The following SLC8A1 variants were observed in gnomAD, a reference collection of about 807,000 sequenced individuals.
SLC8A1 encodes the protein sodium/calcium exchanger 1.
A neutral mutation model predicts 68.3 loss-of-function variants in SLC8A1; 18 were observed. That is an observed-to-expected ratio of 0.26 (90% CI 0.18 to 0.39). The LOEUF (loss-of-function observed/expected upper bound fraction) is 0.39, where lower values mean the gene tolerates loss of function less well. SLC8A1 is among the 10% of genes least tolerant of loss of function. SLC8A1 has a pLI of 1.00. For synonymous variants in SLC8A1, 475 were observed against 415.5 expected (o/e 1.14, Z -1.74); for missense variants, 985 against 1,156.7 (o/e 0.85, Z 2.15).
chr2:40,230,773 C>T (rs2059550802), intron 2 of SLC8A1, among the ~76,000 whole-genome samples: 1 of 152,110 alleles, frequency 6.6e-6, no homozygotes, highest in African/African-American at 2.4e-5. Flanking sequence ...AATAAATGTA[C>T]TTTCATAAAC....
chr2:40,455,550 T>C (rs1702948942), upstream of SLC8A1, among the ~76,000 whole-genome samples: 1 of 116,318 alleles, frequency 8.6e-6, no homozygotes, highest in Admixed American at 8.2e-5. Context: ...TAAGAAAATG[T>C]TATTACATAA....
chr2:40,121,514 A>G (rs2036804047), intron 7 of SLC8A1, among the ~76,000 whole-genome samples: 1 of 152,164 alleles, frequency 6.6e-6, no homozygotes, highest in South Asian at 2.1e-4. Context: ...TCCACTCACA[A>G]TATGGTTATT....
chr2:40,472,683 C>G (rs1704059050), intron 1 of SLC8A1, among the ~76,000 whole-genome samples: 1 of 152,158 alleles, frequency 6.6e-6, no homozygotes, highest in South Asian at 2.1e-4. Flanking sequence ...GTGTTTTCAA[C>G]ACCTACCATG....
intron 1 of SLC8A1, among the ~76,000 whole-genome samples, chr2:40,477,866 C>T (rs560285831): frequency 3.3e-5 from 5 of 152,254 alleles, no homozygotes; most frequent in African/African-American, 9.6e-5. Flanking sequence ...ATGTGGCTTA[C>T]TTTCCAGAAT....
At chr2:40,230,590 G>T (rs1416814723) in intron 2 of SLC8A1, among the ~76,000 whole-genome samples, 1 of 151,998 alleles carries the variant, frequency 6.6e-6, no homozygotes, top group Admixed American at 6.6e-5. Context: ...ATTAGAAATG[G>T]TTCAAAGAAT....
At chr2:40,286,510 T>G (rs1370138864) in intron 2 of SLC8A1, among the ~76,000 whole-genome samples, 1 of 152,196 alleles carries the variant, frequency 6.6e-6, no homozygotes, top group Non-Finnish European at 1.5e-5. Context: ...GTGAACTCCG[T>G]GGATCAGCCT....
rs564409969 is a variant in SLC8A1, at chr2:40,364,201, A to G, written c.1808+64272T>C. ...TAATTAAAACAAAACATATAAAAAC[A>G]TATCAGCTGATATTATTTTCTCAAT... On this transcript the variant is annotated intron_variant, in intron 2 of 7. Coordinates refer to ENST00000406785, the Ensembl canonical transcript of SLC8A1. Among the ~76,000 whole-genome samples the G allele has an allele frequency of 2.2e-4, 34 of 152,268 alleles. 1 individual carries two copies. In the East Asian group the frequency reaches 4.5e-3, roughly 20 times the overall value.
intron 2 of SLC8A1, among the ~76,000 whole-genome samples, chr2:40,266,416 C>T (rs1341127419): frequency 2.6e-5 from 4 of 152,022 alleles, no homozygotes; most frequent in Non-Finnish European, 4.4e-5. Context: ...ATTTCCATGT[C>T]CCTTGCATCT....
intron 6 of SLC8A1, among the ~76,000 whole-genome samples, chr2:40,146,974 C>A (rs1359070560): frequency 1.3e-5 from 2 of 152,124 alleles, no homozygotes; most frequent in African/African-American, 4.8e-5. Context: ...TCAAACCTGG[C>A]TGAAATGAAT....
intron 2 of SLC8A1, among the ~76,000 whole-genome samples, chr2:40,221,807 C>G (rs1004180985): frequency 2.6e-5 from 4 of 152,108 alleles, no homozygotes; most frequent in African/African-American, 2.4e-5. Flanking sequence ...CCTAGAAATA[C>G]AGCTTACAAG....
chr2:40,148,833 G>A (rs191763316), intron 6 of SLC8A1, among the ~76,000 whole-genome samples: 1 of 152,312 alleles, frequency 6.6e-6, no homozygotes, highest in East Asian at 1.9e-4. Context: ...GCTGATTGGT[G>A]GAATTCAGAT....
At chr2:40,195,249 T>G (rs941210180) in intron 2 of SLC8A1, among the ~76,000 whole-genome samples, 1 of 152,052 alleles carries the variant, frequency 6.6e-6, no homozygotes, top group Non-Finnish European at 1.5e-5. Context: ...GAAGAACACA[T>G]GTGATATGCA....
intron 2 of SLC8A1, among the ~76,000 whole-genome samples, chr2:40,425,501 A>T (rs1181945485): frequency 6.6e-6 from 1 of 151,818 alleles, no homozygotes; most frequent in Non-Finnish European, 1.5e-5. Context: ...CTTTTCCAGG[A>T]ATCTCTTTAT....
chr2:40,323,272 G>T (rs895795543), intron 2 of SLC8A1, among the ~76,000 whole-genome samples: 10 of 152,046 alleles, frequency 6.6e-5, no homozygotes, highest in African/African-American at 2.2e-4. Context: ...CCTGGATTCT[G>T]TCAATATTTC....
chr2:40,456,436 A>T (rs1703029197), upstream of SLC8A1, among the ~76,000 whole-genome samples: 1 of 152,122 alleles, frequency 6.6e-6, no homozygotes, highest in Non-Finnish European at 1.5e-5. Context: ...CAACTTTATC[A>T]ATGGTAACTC....
chr2:40,123,751 A>T (rs2037444979), intron 7 of SLC8A1, among the ~76,000 whole-genome samples: 1 of 152,224 alleles, frequency 6.6e-6, no homozygotes, highest in South Asian at 2.1e-4. Context: ...GTTAAGCAAC[A>T]TTTGGCTAAT....
At chr2:40,244,922 T>A (rs2061665311) in intron 2 of SLC8A1, among the ~76,000 whole-genome samples, 2 of 152,182 alleles carry the variant, frequency 1.3e-5, no homozygotes, top group African/African-American at 2.4e-5. Flanking sequence ...ACTCATTCTC[T>A]GGAAAAGGTC....
chr2:40,327,046 A>G (rs148249840), intron 2 of SLC8A1, among the ~76,000 whole-genome samples: 12 of 152,284 alleles, frequency 7.9e-5, no homozygotes, highest in Non-Finnish European at 1.5e-4. Flanking sequence ...AATACAATAT[A>G]CCTATTTTAA....
intron 1 of SLC8A1, among the ~76,000 whole-genome samples, chr2:40,465,767 T>G (rs979902074): frequency 6.6e-6 from 1 of 152,216 alleles, no homozygotes; most frequent in African/African-American, 2.4e-5. Context: ...ATGTGTCCCC[T>G]AAAATTTATT....
Sources: gnomAD v4.1 joint callset for allele counts (sites outside exome capture counted in the v4.1 genomes callset) on GRCh38, gnomAD v4.1.1 for gene constraint, MANE v1.5 for transcripts, NCBI Gene and HGNC (gene_info 2026-07-23, HGNC 2026-07-21) for gene names.